Variants in STARD13 observed in about 807,000 individuals in gnomAD.
STARD13 encodes the protein StAR related lipid transfer domain containing 13.
In STARD13, 62 loss-of-function variants were observed where a neutral mutation model predicts 106.4. That is an observed-to-expected ratio of 0.58 (90% CI 0.48 to 0.72). The LOEUF (loss-of-function observed/expected upper bound fraction) is 0.72, where lower values mean the gene tolerates loss of function less well. Among genes scored for constraint, STARD13 ranks in the 30% least tolerant of loss-of-function variants. The pLI is 0.00. For synonymous variants in STARD13, 565 were observed against 553.0 expected (o/e 1.02, Z -0.31); for missense variants, 1,387 against 1,424.0 (o/e 0.97, Z 0.42).
chr13:33,171,335 C>A (rs1263387411), intron 1 of STARD13, among the ~76,000 whole-genome samples: 1 of 152,208 alleles, frequency 6.6e-6, no homozygotes. Flanking sequence ...AAGGGCCCAC[C>A]AATCTCTACG....
the STARD13 span, among the ~76,000 whole-genome samples, chr13:33,496,255 T>C: frequency 6.7e-6 from 1 of 148,294 alleles, no homozygotes; most frequent in African/African-American, 2.4e-5. Flanking sequence ...AATTTACATA[T>C]GCATTATAGA....
chr13:33,655,494 C>T, the STARD13 span, among the ~76,000 whole-genome samples: 4,020 of 152,184 alleles, frequency 0.026, 207 homozygotes, highest in African/African-American at 0.092. Context: ...TAGTTTTAGT[C>T]TCTCCCCTCC....
At chr13:33,286,088 G>C (rs1274618512), upstream of STARD13, among the ~76,000 whole-genome samples, 1 of 152,060 alleles carries the variant, frequency 6.6e-6, no homozygotes, top group Non-Finnish European at 1.5e-5. Flanking sequence ...GTTAGAGAAA[G>C]CTCCTTCGCT....
the STARD13 span, among the ~76,000 whole-genome samples, chr13:33,669,917 T>C: frequency 6.6e-6 from 1 of 152,210 alleles, no homozygotes; most frequent in African/African-American, 2.4e-5. Flanking sequence ...CAAAATCTAA[T>C]CATTATTCTT....
intron 4 of STARD13, among the ~76,000 whole-genome samples, 163 bp downstream of exon 4, chr13:33,142,147 G>A (rs1321241291): frequency 1.3e-5 from 2 of 152,162 alleles, no homozygotes; most frequent in African/African-American, 2.4e-5. Context: ...CCCCAACTCA[G>A]CCTCTCGATA....
At chr13:33,414,192 G>T in the STARD13 span, among the ~76,000 whole-genome samples, 1 of 152,132 alleles carries the variant, frequency 6.6e-6, no homozygotes, top group Non-Finnish European at 1.5e-5. Context: ...TTCTGACTAC[G>T]ATGCAGAGAA....
At chr13:33,422,188 T>C in the STARD13 span, among the ~76,000 whole-genome samples, 2 of 152,182 alleles carry the variant, frequency 1.3e-5, no homozygotes. Flanking sequence ...ATTGTATAAT[T>C]AGAAAACCCC....
chr13:33,296,427 T>C (rs1009573780), intron 1 of STARD13, among the ~76,000 whole-genome samples: 1 of 37,472 alleles, frequency 2.7e-5, no homozygotes, highest in Non-Finnish European at 5.9e-5. Flanking sequence ...ACACCTCACA[T>C]AGTGACACGT....
At position 33,148,676 on chromosome 13, in the gene STARD13, C is replaced by T. The variant is rs147621672; in HGVS notation, c.324-6303G>A. On this transcript the variant is annotated intron_variant, in intron 3 of 13. Transcript: ENST00000336934. ...GAAGACAGTGGGCAGCTTCTTACTGCCAAATACACTTTTATCATATACTCG... is the reference window on the plus strand; with the variant it reads ...GAAGACAGTGGGCAGCTTCTTACTGTCAAATACACTTTTATCATATACTCG... Among the ~76,000 whole-genome samples the T allele has an allele frequency of 4.4e-3, 666 of 152,272 alleles. 1 individual carries two copies. The highest frequency in any genetic ancestry group is 6.8e-3 in the Non-Finnish European group (462 of 68,008).
chr13:33,219,314 C>T (rs1355972146), intron 1 of STARD13, among the ~76,000 whole-genome samples: 1 of 151,908 alleles, frequency 6.6e-6, no homozygotes, highest in Non-Finnish European at 1.5e-5. Context: ...CTTGCTGCTC[C>T]TCTGCTTGAC....
chr13:33,106,144 G>A (rs1873664615), intron 13 of STARD13, among the ~76,000 whole-genome samples: 2 of 152,262 alleles, frequency 1.3e-5, no homozygotes, highest in African/African-American at 4.8e-5. Context: ...ACATGGTCGA[G>A]CACGGTGGCT....
At chr13:33,283,958 T>G (rs984633055) in intron 1 of STARD13, among the ~76,000 whole-genome samples, 1 of 152,214 alleles carries the variant, frequency 6.6e-6, no homozygotes. Context: ...TCATATGATA[T>G]GCATGCTGAG....
the STARD13 span, among the ~76,000 whole-genome samples, chr13:33,633,507 G>A: frequency 7.9e-5 from 12 of 152,184 alleles, no homozygotes; most frequent in African/African-American, 2.2e-4. Context: ...CACATTTGCC[G>A]CTAAATGTCC....
intron 1 of STARD13, among the ~76,000 whole-genome samples, chr13:33,295,639 A>G (rs1413663850): frequency 2.0e-5 from 3 of 152,118 alleles, no homozygotes; most frequent in Non-Finnish European, 2.9e-5. Flanking sequence ...ATGACAAAAG[A>G]GGAGGACAGT....
chr13:33,531,939 A>C, the STARD13 span, among the ~76,000 whole-genome samples: 1 of 152,122 alleles, frequency 6.6e-6, no homozygotes, highest in Non-Finnish European at 1.5e-5. Flanking sequence ...TAATGCTACC[A>C]CCAACAGAAG....
the STARD13 span, among the ~76,000 whole-genome samples, chr13:33,583,280 TTA>T: frequency 2.4e-4 from 36 of 152,320 alleles, no homozygotes; most frequent in Admixed American, 2.2e-3. Context: ...ACAAACCCTA[TTA>T]GTGGTGTGAA....
At chr13:33,343,921 T>A (rs1328387155), downstream of STARD13, among the ~76,000 whole-genome samples, 1 of 152,120 alleles carries the variant, frequency 6.6e-6, no homozygotes, top group Non-Finnish European at 1.5e-5. Flanking sequence ...ACCTATTTCA[T>A]TATTCTCCAG....
chr13:33,254,858 C>A (rs1434619291), intron 1 of STARD13, among the ~76,000 whole-genome samples: 2 of 152,188 alleles, frequency 1.3e-5, no homozygotes, highest in Admixed American at 6.5e-5. Flanking sequence ...CTGAGAGCCA[C>A]CTCCATCACT....
At chr13:33,596,611 A>G in the STARD13 span, among the ~76,000 whole-genome samples, 19 of 152,192 alleles carry the variant, frequency 1.2e-4, no homozygotes, top group African/African-American at 4.6e-4. Context: ...TGTTAACTAC[A>G]GTTACTACAC....
Sources: allele counts gnomAD v4.1 joint callset (sites outside exome capture counted in the v4.1 genomes callset), GRCh38; gene constraint gnomAD v4.1.1; transcripts MANE v1.5; gene names NCBI Gene and HGNC (gene_info 2026-07-23, HGNC 2026-07-21).